The following ATXN1 variants were observed in gnomAD, a reference collection of about 807,000 sequenced individuals.
ATXN1 encodes the protein ataxin-1.
Under a neutral mutation model 56.4 loss-of-function variants are expected in ATXN1, and 8 were observed. The observed-to-expected ratio is 0.14, with a 90% CI of 0.08 to 0.26. The LOEUF (loss-of-function observed/expected upper bound fraction) is 0.26. Ranked by LOEUF, ATXN1 falls within the 10% of genes least tolerant of loss-of-function variation. The probability of loss-of-function intolerance (pLI) is 1.00; values close to 1 mark genes in which losing one functional copy is unlikely to be tolerated. For synonymous variants in ATXN1, 514 were observed against 494.6 expected (o/e 1.04, Z -0.52); for missense variants, 987 against 1,106.5 (o/e 0.89, Z 1.53).
At chr6:16,582,614 T>TGGG (rs924385036) in intron 4 of ATXN1, among the ~76,000 whole-genome samples, 46 of 152,314 alleles carry the variant, frequency 3.0e-4, no homozygotes, top group African/African-American at 9.6e-4. Context: ...AAAAATGGTG[T>TGGG]GGGCAACCAT....
At chr6:16,694,676 G>C (rs781520828) in intron 2 of ATXN1, among the ~76,000 whole-genome samples, 15 of 152,198 alleles carry the variant, frequency 9.9e-5, no homozygotes, top group Admixed American at 4.6e-4. Flanking sequence ...AGAGCTGAGA[G>C]AGAAACAAGT....
chr6:16,533,436 G>A (rs576092833), intron 4 of ATXN1, among the ~76,000 whole-genome samples: 4 of 152,272 alleles, frequency 2.6e-5, no homozygotes, highest in Admixed American at 2.0e-4. Context: ...AAAAAAGAAT[G>A]TGAGAGCTCC....
chr6:16,462,566 A>T (rs904877860), intron 6 of ATXN1, among the ~76,000 whole-genome samples: 3 of 152,190 alleles, frequency 2.0e-5, no homozygotes, highest in Non-Finnish European at 4.4e-5. Context: ...CAGCAGGACT[A>T]TATACTGTAG....
At chr6:16,322,914 C>T (rs1213529442) in intron 7 of ATXN1, among the ~76,000 whole-genome samples, 2 of 152,198 alleles carry the variant, frequency 1.3e-5, no homozygotes, top group Non-Finnish European at 2.9e-5. Context: ...GTTTCTACAG[C>T]GTGAAGCCCT....
rs373266163 is a variant in ATXN1 at position 16,495,047 on chromosome 6, G to C, written c.-298-8938C>G. Reference sequence around the variant, plus strand: ...AAAAGGTCAGTGTTTAGGTGTTGCAGAAGTGCTTGGTGAAAATGGGGAAGG... The same window carrying C: ...AAAAGGTCAGTGTTTAGGTGTTGCACAAGTGCTTGGTGAAAATGGGGAAGG... On this transcript the variant is annotated intron_variant, in intron 5 of 7. Transcript: ENST00000436367. Among the ~76,000 whole-genome samples the C allele has an allele frequency of 3.9e-4, 59 of 152,304 alleles. 1 individual carries two copies. In the East Asian group the frequency reaches 7.9e-3, roughly 20 times the overall value.
chr6:16,717,831 C>T (rs1759669595), intron 2 of ATXN1, among the ~76,000 whole-genome samples: 1 of 152,196 alleles, frequency 6.6e-6, no homozygotes, highest in Non-Finnish European at 1.5e-5. Context: ...TATGCAGATC[C>T]AGCCAGCCCT....
intron 2 of ATXN1, among the ~76,000 whole-genome samples, chr6:16,731,903 T>C (rs1347474890): frequency 1.3e-5 from 2 of 152,156 alleles, no homozygotes; most frequent in Non-Finnish European, 2.9e-5. Context: ...AGCAATTATT[T>C]GCTCTAAAGT....
chr6:16,558,518 G>A (rs920380466), intron 4 of ATXN1, among the ~76,000 whole-genome samples: 9 of 151,856 alleles, frequency 5.9e-5, no homozygotes, highest in African/African-American at 7.3e-5. Flanking sequence ...ACAGGCGTGC[G>A]CCACCATGTT....
chr6:16,456,903 TCAGACTAG>T (rs1759887741), intron 6 of ATXN1, among the ~76,000 whole-genome samples: 1 of 152,188 alleles, frequency 6.6e-6, no homozygotes, highest in Non-Finnish European at 1.5e-5. Context: ...GGATCCCTCC[TCAGACTAG>T]CAGACCTAAC....
At chr6:16,618,552 G>A (rs1036123511) in intron 3 of ATXN1, among the ~76,000 whole-genome samples, 10 of 152,260 alleles carry the variant, frequency 6.6e-5, no homozygotes, top group Admixed American at 3.3e-4. Flanking sequence ...CCAACATGGC[G>A]AAACCCCATC....
At chr6:16,488,630 T>A (rs1760597410) in intron 5 of ATXN1, among the ~76,000 whole-genome samples, 1 of 152,230 alleles carries the variant, frequency 6.6e-6, no homozygotes, top group South Asian at 2.1e-4. Flanking sequence ...TAGTTTGCTT[T>A]CTTCATCCTA....
chr6:16,343,330 C>T (rs1275010702), intron 6 of ATXN1, among the ~76,000 whole-genome samples: 4 of 152,036 alleles, frequency 2.6e-5, no homozygotes, highest in African/African-American at 9.7e-5. Flanking sequence ...GGTGACAGAG[C>T]GAGACTCTGT....
intron 4 of ATXN1, among the ~76,000 whole-genome samples, chr6:16,564,171 C>T (rs977687326): frequency 3.3e-5 from 5 of 152,126 alleles, no homozygotes; most frequent in South Asian, 2.1e-4. Flanking sequence ...CTTAGCAGAG[C>T]GCCTGGGCAT....
chr6:16,576,993 G>A (rs1053099078), intron 4 of ATXN1, among the ~76,000 whole-genome samples: 6 of 152,124 alleles, frequency 3.9e-5, no homozygotes, highest in African/African-American at 1.4e-4. Flanking sequence ...GATGCATAAA[G>A]GGAACTTCAG....
At chr6:16,751,365 C>G (rs986736804) in intron 2 of ATXN1, among the ~76,000 whole-genome samples, 3 of 152,178 alleles carry the variant, frequency 2.0e-5, no homozygotes, top group African/African-American at 7.2e-5. Context: ...GAACACCTCT[C>G]TAATCCACAG....
At chr6:16,440,648 A>AAAAAG (rs1554147545) in intron 6 of ATXN1, among the ~76,000 whole-genome samples, 2 of 118,548 alleles carry the variant, frequency 1.7e-5, no homozygotes, top group Admixed American at 8.5e-5. Flanking sequence ...CTTAAAAAAA[A>AAAAAG]AAAAGAAAAG....
intron 7 of ATXN1, among the ~76,000 whole-genome samples, chr6:16,314,486 T>C (rs1760466613): frequency 6.6e-6 from 1 of 152,168 alleles, no homozygotes; most frequent in South Asian, 2.1e-4. Flanking sequence ...GGTTTGGATG[T>C]GAAACAGAGA....
chr6:16,416,789 T>A (rs1455469249), intron 6 of ATXN1, among the ~76,000 whole-genome samples: 2 of 152,230 alleles, frequency 1.3e-5, no homozygotes, highest in African/African-American at 4.8e-5. Flanking sequence ...GCCGAGCTGG[T>A]ACACACTGGA....
chr6:16,325,167 G>A (rs981997774), intron 7 of ATXN1, among the ~76,000 whole-genome samples: 1 of 151,524 alleles, frequency 6.6e-6, no homozygotes, highest in African/African-American at 2.4e-5. Flanking sequence ...TCCAAGGCTG[G>A]AGTGCAGTGG....
Sources: gnomAD v4.1 joint callset for allele counts (sites outside exome capture counted in the v4.1 genomes callset) on GRCh38, gnomAD v4.1.1 for gene constraint, MANE v1.5 for transcripts, NCBI Gene and HGNC (gene_info 2026-07-23, HGNC 2026-07-21) for gene names.